IFT81: variants seen among roughly 807,000 people sequenced by gnomAD.
IFT81 encodes intraflagellar transport 81.
A neutral mutation model predicts 102.6 loss-of-function variants in IFT81; 72 were observed. The ratio of observed to expected loss-of-function variants is 0.70; its 90% CI spans 0.58 to 0.85. IFT81 has a LOEUF of 0.85. IFT81 is among the 40% of genes least tolerant of loss of function. IFT81 has a pLI of 0.00. For synonymous variants in IFT81, 237 were observed against 242.7 expected, an observed-to-expected ratio of 0.98 and a Z score of 0.22; for missense variants, 723 against 787.3, an observed-to-expected ratio of 0.92 and a Z score of 0.98.
intron 5 of IFT81, among the ~76,000 whole-genome samples, chr12:110,133,459 G>GA (rs10710074): frequency 1.2e-3 from 154 of 133,336 alleles, no homozygotes; most frequent in Middle Eastern, 7.8e-3. Flanking sequence ...TCTGTCTCCA[G>GA]AAAAAAAAAA....
At chr12:110,187,934 T>C (rs1211264802) in intron 12 of IFT81, among the ~76,000 whole-genome samples, 3 of 152,168 alleles carry the variant, frequency 2.0e-5, no homozygotes, top group Non-Finnish European at 4.4e-5. Flanking sequence ...CAGCTGATAA[T>C]GTGAGGCATT....
chr12:110,170,326 G>A (rs1440868425), intron 11 of IFT81, among the ~76,000 whole-genome samples: 1 of 152,136 alleles, frequency 6.6e-6, no homozygotes, highest in African/African-American at 2.4e-5. Flanking sequence ...TTAAATACCT[G>A]GTGAGAAACT....
intron 15 of IFT81, chr12:110,204,246 T>G (rs1593371363): frequency 1.8e-5 from 5 of 282,936 alleles, no homozygotes; most frequent in Non-Finnish European, 3.4e-5. Context: ...TTTCTTTAAT[T>G]TGTACACACT....
intron 10 of IFT81, among the ~76,000 whole-genome samples, chr12:110,153,609 G>T (rs931793061): frequency 2.8e-5 from 4 of 141,036 alleles, no homozygotes; most frequent in Non-Finnish European, 6.2e-5. Context: ...TTTCTTTGTT[G>T]GGATATTTTC....
chr12:110,217,244 C>T (rs984763502), intron 18 of IFT81, among the ~76,000 whole-genome samples: 4 of 152,074 alleles, frequency 2.6e-5, no homozygotes, highest in African/African-American at 9.7e-5. Flanking sequence ...AGGGTTTCAC[C>T]TTGTTGATCA....
At chr12:110,202,023 T>C (rs987134406) in intron 14 of IFT81, among the ~76,000 whole-genome samples, 1 of 152,160 alleles carries the variant, frequency 6.6e-6, no homozygotes, top group African/African-American at 2.4e-5. Context: ...GCATAGTAAA[T>C]ACATAAACCA....
chr12:110,179,761 TATATATATATATAC>T (rs1307418547), intron 11 of IFT81, among the ~76,000 whole-genome samples: 10 of 67,932 alleles, frequency 1.5e-4, no homozygotes, highest in African/African-American at 2.9e-4. Context: ...TATATATATA[TATATATATATATAC>T]ACACACACAC....
chr12:110,169,166 A>G (rs1896616784), intron 11 of IFT81: 1 of 151,556 alleles, frequency 6.6e-6, no homozygotes, highest in African/African-American at 2.4e-5. Context: ...GCTCCTAGTA[A>G]AAACCTTGAG....
intron 10 of IFT81, among the ~76,000 whole-genome samples, chr12:110,150,160 G>A (rs1410152975): frequency 1.3e-5 from 2 of 151,800 alleles, no homozygotes; most frequent in South Asian, 2.1e-4. Flanking sequence ...AGCCGGGAGT[G>A]CAATGGCATG....
At chr12:110,145,875 A>T (rs1466041925) in intron 9 of IFT81, among the ~76,000 whole-genome samples, 1 of 151,832 alleles carries the variant, frequency 6.6e-6, no homozygotes, top group African/African-American at 2.4e-5. Context: ...CAGTGGTGCG[A>T]TCTCGGCTCA....
Position 110,205,625 on chromosome 12 carries a change from G to T in IFT81, c.1747G>T (p.Asp583Tyr). The T allele has an allele frequency of 1.2e-6, 2 of 1,604,644 alleles. No individual in the cohort carries two copies. Among genetic ancestry groups the T allele is most frequent in the South Asian group, 2.3e-5 (2 of 87,622 alleles). ...NLEVQLRRATDEMKAYISSDQ... is the reference protein window; with the variant it reads ...NLEVQLRRATYEMKAYISSDQ... ...AGAAGTTCAACTTCGTCGTGCTACT[G>T]ATGAGATGAAGGCATATATCTCTTC... The change falls in exon 17 of 19, where the codon GAT becomes TAT. Residue 583 changes from aspartate to tyrosine, a missense_variant. Physicochemically the swap from Asp to Tyr is radical, Grantham distance 160. Coordinates refer to ENST00000242591, the MANE Select transcript of IFT81 (RefSeq NM_014055.4).
intron 8 of IFT81, among the ~76,000 whole-genome samples, chr12:110,139,814 AAAAT>A (rs1276540822): frequency 1.4e-5 from 2 of 139,906 alleles, no homozygotes; most frequent in East Asian, 1.9e-4. Flanking sequence ...AAAATAAAAT[AAAAT>A]AAATAAAATA....
intron 18 of IFT81, among the ~76,000 whole-genome samples, chr12:110,214,495 C>T (rs1355196428): frequency 2.0e-5 from 3 of 152,094 alleles, no homozygotes; most frequent in Non-Finnish European, 4.4e-5. Context: ...AACTGGACAT[C>T]CATAGACCTC....
chr12:110,155,467 T>TGCGCCCGGCC (rs1895789805), intron 10 of IFT81, among the ~76,000 whole-genome samples: 1 of 149,876 alleles, frequency 6.7e-6, no homozygotes, highest in African/African-American at 2.5e-5. Context: ...CTTGCCACCA[T>TGCGCCCGGCC]GCCCAACTAA....
intron 4 of IFT81, among the ~76,000 whole-genome samples, chr12:110,130,828 A>G (rs1894121053): frequency 6.6e-6 from 1 of 151,964 alleles, no homozygotes; most frequent in East Asian, 1.9e-4. Context: ...ACACACACAC[A>G]ATGATTTACA....
chr12:110,207,179 C>T (rs916150400), intron 17 of IFT81, among the ~76,000 whole-genome samples: 1 of 151,918 alleles, frequency 6.6e-6, no homozygotes, highest in South Asian at 2.1e-4. Flanking sequence ...TACAGGCACA[C>T]GCCACTGTGT....
chr12:110,185,114 G>A (rs1897466526), intron 12 of IFT81, among the ~76,000 whole-genome samples: 1 of 152,204 alleles, frequency 6.6e-6, no homozygotes, highest in Admixed American at 6.5e-5. Flanking sequence ...TTTAGCCAGT[G>A]AGTGATTGCA....
intron 18 of IFT81, among the ~76,000 whole-genome samples, chr12:110,215,414 A>ATTCC (rs1202978117): frequency 1.2e-4 from 16 of 136,904 alleles, no homozygotes; most frequent in Admixed American, 7.3e-5. Context: ...TTATGAATGA[A>ATTCC]TTCCTTTCTT....
Position 110,203,851 on chromosome 12 carries a change from C to CT in IFT81, c.1558-8dup. 1 of 1,584,678 alleles carries CT rather than the reference C, an allele frequency of 6.3e-7. No homozygotes were observed. The highest frequency in any genetic ancestry group is 8.7e-7 in the Non-Finnish European group (1 of 1,153,524). On this transcript the variant is annotated splice_polypyrimidine_tract_variant and intron_variant, in intron 14 of 18. Transcript: ENST00000242591. ...TTTTTCACTTATTCAATCATTTTCC[C>CT]TTTTTATACTAGGAACTGACCCAGG...
Sources: gnomAD v4.1 joint callset for allele counts (sites outside exome capture counted in the v4.1 genomes callset) on GRCh38, gnomAD v4.1.1 for gene constraint, MANE v1.5 for transcripts, NCBI Gene and HGNC (gene_info 2026-07-23, HGNC 2026-07-21) for gene names.